The following NOTCH1 variants were observed in gnomAD, a reference collection of about 807,000 sequenced individuals.
The protein encoded by NOTCH1 is neurogenic locus notch homolog protein 1.
A neutral mutation model predicts 254.8 loss-of-function variants in NOTCH1; 37 were observed. The observed-to-expected ratio is 0.15, with a 90% CI of 0.11 to 0.19. The LOEUF (loss-of-function observed/expected upper bound fraction) is 0.19. NOTCH1 is among the 10% of genes least tolerant of loss of function. The pLI is 1.00. For synonymous variants in NOTCH1, 1,731 were observed against 1,618.1 expected (o/e 1.07, Z -1.68); for missense variants, 2,972 against 3,708.6 (o/e 0.80, Z 5.16).
In NOTCH1 at chr9:136,501,782, G is replaced by A. The variant is rs370916730; in HGVS notation, c.5604C>T (p.Asp1868=). 77 of 1,612,446 alleles carry A rather than the reference G, an allele frequency of 4.8e-5. No homozygotes were observed. The African/African-American group carries it at 5.1e-4, about 11-fold the overall frequency. The stretch of plus-strand genomic sequence containing the variant: ...GGACATTGACGTCCATGCAGTCGGC[G>A]TCAACCTCACCCTGGGGCGGTGTGG... ...MAPTPPQGEV[D]ADCMDVNVRG... is the part of the protein sequence containing the mutation. The change falls in exon 30 of 34, where the codon GAC becomes GAT. Residue 1868 remains aspartate, a synonymous_variant. Coordinates refer to ENST00000651671, the MANE Select transcript of NOTCH1 (RefSeq NM_017617.5).
rs373091110 is a variant in NOTCH1, at chr9:136,497,425, A to G, written c.6314T>C (p.Met2105Thr). ...RLPRDIAQER[M>T]HHDIVRLLDE... ...CAGCAGCCTCACGATGTCGTGATGC[A>G]TGCGCTCCTGTGCGATGTCGCGCGG... The change falls in exon 34 of 34, where the codon ATG becomes ACG. Residue 2105 changes from methionine (M) to threonine (T), a missense_variant. This residue lies in a region of NOTCH1 where 529 missense variants were observed against 529.2 expected (regional missense o/e 1.00). Coordinates refer to ENST00000651671, the MANE Select transcript of NOTCH1 (RefSeq NM_017617.5). The G allele has an allele frequency of 6.2e-7, 1 of 1,612,012 alleles. No individual in the cohort carries two copies. The highest frequency in any genetic ancestry group is 1.3e-5 in the African/African-American group (1 of 75,044).
At chr9:136,543,803 G>A (rs1482898770) in intron 2 of NOTCH1, 8 of 631,264 alleles carry the variant, frequency 1.3e-5, no homozygotes, top group Non-Finnish European at 2.9e-6. Context: ...CCACGGAGGA[G>A]TGCCCAAGCC....
rs1297061922 is a variant in NOTCH1, at chr9:136,505,451, T to C, written c.4445A>G (p.Asn1482Ser). The change falls in exon 25 of 34, where the codon AAC (asparagine) becomes AGC (serine). Residue 1482 changes from asparagine to serine, a missense_variant. Physicochemically the swap from Asn to Ser is conservative, Grantham distance 46. Transcript: ENST00000651671. ...CGWDGGDCSL[N>S]FNDPWKNCTQ... is the part of the protein sequence containing the mutation. ...GCAGTTCTTCCAGGGGTCATTGAAG[T>C]TGAGGGAGCAGTCACCGCCGTCCCA... The C allele has an allele frequency of 3.1e-6, 5 of 1,612,754 alleles. No homozygotes were observed. The Admixed American group carries it at 5.0e-5, about 16-fold the overall frequency.
At position 136,516,102 on chromosome 9, in the gene NOTCH1, C is replaced by CGGGGA. The variant is rs747100045; in HGVS notation, c.1556-13_1556-9dup. 7.1e-6 allele frequency: 11 copies of CGGGGA among 1,552,892 alleles called. No homozygotes were observed. The highest frequency in any genetic ancestry group is 1.7e-4 in the Middle Eastern group (1 of 5,926). Reference sequence around the variant, plus strand: ...ACAGATGCCCAGTGAAGCCTGGGGCCGGGGAGGGGAGGGGAGGGAGTCATG... The same window carrying CGGGGA: ...ACAGATGCCCAGTGAAGCCTGGGGCCGGGGAGGGGAGGGGAGGGGAGGGAGTCATG... On this transcript the variant is annotated splice_polypyrimidine_tract_variant and intron_variant, in intron 9 of 33. Transcript: ENST00000651671.
rs756972680 is a variant in NOTCH1, at chr9:136,506,764, C to T, written c.3853G>A (p.Val1285Met). ...CAGTGGAAGTCATTGACGCGCTGCA[C>T]GCAGTTCTGGGTGCCACGGGCGTCG... ...PCDARGTQNC[V>M]QRVNDFHCEC... The change falls in exon 23 of 34, where the codon GTG (valine) becomes ATG (methionine). Residue 1285 changes from valine (V) to methionine (M), a missense_variant. Val to Met is a conservative substitution (Grantham distance 21). Transcript: ENST00000651671. The surrounding 1 kb of genome is among the most constrained non-coding windows in gnomAD (Gnocchi z 4.5). 8.3e-5 allele frequency: 134 copies of T among 1,607,634 alleles called. 1 individual carries two copies. The Middle Eastern group carries it at 2.0e-3, about 24-fold the overall frequency.
At chr9:136,518,075 T>C (rs928558800) in intron 7 of NOTCH1, 62 bp downstream of exon 7, 2 of 1,551,542 alleles carry the variant, frequency 1.3e-6, no homozygotes, top group African/African-American at 2.7e-5. Context: ...AATCGACTTC[T>C]CATCGGTTCT....
Position 136,507,386 on chromosome 9 carries a change from G to A in NOTCH1, c.3562C>T (p.Leu1188Phe), listed in dbSNP as rs1462977790. 1.9e-6 allele frequency: 3 copies of A among 1,611,812 alleles called. No homozygotes were observed. The highest frequency in any genetic ancestry group is 2.7e-5 in the African/African-American group (2 of 74,870). The change falls in exon 22 of 34, where the codon CTC (leucine) becomes TTC (phenylalanine). Residue 1188 changes from leucine to phenylalanine, a missense_variant. Around this residue, in one of 8 missense-constraint regions of NOTCH1, gnomAD observed 1,343 missense variants for 1,557.0 expected, o/e 0.86. Coordinates refer to ENST00000651671, the MANE Select transcript of NOTCH1 (RefSeq NM_017617.5). Reference protein sequence around the residue: ...VNCSEEIDECLSHPCQNGGTC... With the variant: ...VNCSEEIDECFSHPCQNGGTC... Reference sequence around the variant, plus strand: ...CCCCCGTTCTGGCAGGGGTGGGAGAGGCACTCGTCGATCTCCTCAGAGCAG... The same window carrying A: ...CCCCCGTTCTGGCAGGGGTGGGAGAAGCACTCGTCGATCTCCTCAGAGCAG...
At chr9:136,527,428 T>C (rs1843481213) in intron 2 of NOTCH1, among the ~76,000 whole-genome samples, 1 of 152,096 alleles carries the variant, frequency 6.6e-6, no homozygotes, top group African/African-American at 2.4e-5. Flanking sequence ...CGCCAGGGCT[T>C]GGCCGAGTGA....
intron 33 of NOTCH1, among the ~76,000 whole-genome samples, chr9:136,498,565 G>A (rs1589054140): frequency 6.6e-6 from 1 of 152,194 alleles, no homozygotes; most frequent in East Asian, 1.9e-4. Context: ...CCAGGTGACG[G>A]TGACACAGCA....
intron 22 of NOTCH1, 152 bp from the exon 23 acceptor site, chr9:136,507,125 C>A (rs3829116): frequency 2.8e-6 from 4 of 1,449,872 alleles, no homozygotes; most frequent in Non-Finnish European, 3.8e-6. Flanking sequence ...ACGCCCTTCC[C>A]ACTGGGACCC....
chr9:136,504,900 G>A lies in NOTCH1; in HGVS notation c.4791C>T (p.Ser1597=). 1 of 1,585,938 alleles carries A rather than the reference G, an allele frequency of 6.3e-7. No homozygotes were observed. Among genetic ancestry groups the A allele is most frequent in the Non-Finnish European group, 8.6e-7 (1 of 1,166,868 alleles). The change falls in exon 26 of 34, where the codon AGC becomes AGT. Residue 1597 remains serine, a synonymous_variant. Transcript: ENST00000651671. Reference sequence around the variant, plus strand: ...AGACCACGTTGGTGTGCAGCACGCGGCTGAGCTCCCGCAGGAAGTGGAAGG... The same window carrying A: ...AGACCACGTTGGTGTGCAGCACGCGACTGAGCTCCCGCAGGAAGTGGAAGG... ...NSSFHFLREL[S]RVLHTNVVFK...
intron 2 of NOTCH1, among the ~76,000 whole-genome samples, chr9:136,527,960 G>A (rs897849212): frequency 5.3e-5 from 8 of 152,224 alleles, no homozygotes; most frequent in East Asian, 1.9e-4. Flanking sequence ...TGCCAGGGCC[G>A]CTCCATGGAA....
At chr9:136,527,488 G>T (rs910010445) in intron 2 of NOTCH1, among the ~76,000 whole-genome samples, 1 of 152,230 alleles carries the variant, frequency 6.6e-6, no homozygotes. Context: ...GGGCTTCCAT[G>T]AGTGACCCGC....
chr9:136,521,451 G>A (rs1843365198), intron 4 of NOTCH1, among the ~76,000 whole-genome samples: 1 of 152,116 alleles, frequency 6.6e-6, no homozygotes, highest in South Asian at 2.1e-4. Flanking sequence ...GCCTCACCAG[G>A]AGGTCCTCAC....
intron 3 of NOTCH1, 95 bp from the exon 4 acceptor site, chr9:136,523,283 G>A (rs2133378180): frequency 7.8e-7 from 1 of 1,275,138 alleles, no homozygotes; most frequent in South Asian, 1.3e-5. Flanking sequence ...GCCAGCCTGG[G>A]CTCCACCTTA....
At chr9:136,519,605 C>CCAGTCCGGCTCCTGCCTGGACCCCCGACA in intron 4 of NOTCH1, 40 bp from the exon 5 acceptor site, 5 of 1,612,188 alleles carry the variant, frequency 3.1e-6, no homozygotes, top group Non-Finnish European at 4.2e-6. Context: ...TCCCTGAGGT[C>CCAGTCCGGCTCCTGCCTGGACCCCCGACA]CAGTCCGGCT....
In NOTCH1 at chr9:136,513,108, CGTTGAT is replaced by C; in HGVS notation, c.2374_2379del (p.Ile792_Asn793del). 6.2e-7 allele frequency: 1 copy of C among 1,612,906 alleles called. No individual in the cohort carries two copies. The highest frequency in any genetic ancestry group is 8.5e-7 in the Non-Finnish European group (1 of 1,179,944). On this transcript the variant is annotated inframe_deletion, in exon 15 of 34. Transcript: ENST00000651671. The surrounding 1 kb of genome is among the most constrained non-coding windows in gnomAD (Gnocchi z 4.7). Reference sequence around the variant, plus strand: ...TTCAGACATGGGTTGGACGCACACTCGTTGATGTTGGTCTGGCAGTTGGGACCTGGA... The same window carrying C: ...TTCAGACATGGGTTGGACGCACACTCGTTGGTCTGGCAGTTGGGACCTGGA...
Position 136,496,425 on chromosome 9 carries a change from C to G in NOTCH1, c.7314G>C (p.Pro2438=). 6.9e-6 allele frequency: 11 copies of G among 1,599,530 alleles called. No homozygotes were observed. The highest frequency in any genetic ancestry group is 9.3e-6 in the Non-Finnish European group (11 of 1,179,646). Residue 2438 remains proline, a synonymous_variant, in exon 34 of 34, where the codon CCG becomes CCC. Transcript: ENST00000651671. The stretch of plus-strand genomic sequence containing the variant: ...CCAGTGGCTGCACGTCTGCCTGGCT[C>G]GGCTCTCCACTCAGGAAGCTCCGGC... ...HLGRSFLSGE[P]SQADVQPLGP...
chr9:136,500,812 C>T lies in NOTCH1; in HGVS notation c.5674G>A (p.Gly1892Arg), dbSNP rs761427888. Residue 1892 changes from glycine to arginine, a missense_variant, in exon 31 of 34, where the codon GGG becomes AGG. Physicochemically the swap from Gly to Arg is moderately radical, Grantham distance 125. This residue lies in a region of NOTCH1 where 421 missense variants were observed against 604.4 expected (regional missense o/e 0.70). Transcript: ENST00000651671. Reference protein sequence around the residue: ...FTPLMIASCSGGGLETGNSEE... With the variant: ...FTPLMIASCSRGGLETGNSEE... ...CTGTTGCCCGTCTCCAGGCCGCCCC[C>T]GCTGCAGGAGGCGATCATGAGCGGG... 10 of 1,598,954 alleles carry T rather than the reference C, an allele frequency of 6.3e-6. No homozygotes were observed. The highest frequency in any genetic ancestry group is 2.2e-5 in the East Asian group (1 of 44,864).
Sources: gnomAD v4.1 joint callset for allele counts (sites outside exome capture counted in the v4.1 genomes callset) on GRCh38, gnomAD v4.1.1 for gene constraint, gnomAD v4.1.1 regional missense constraint, Gnocchi (gnomAD v3.1) non-coding constraint, MANE v1.5 for transcripts, NCBI Gene and HGNC (gene_info 2026-07-23, HGNC 2026-07-21) for gene names.